Variants in STIM1 observed in about 807,000 individuals in gnomAD.
The protein encoded by STIM1 is stromal interaction molecule 1.
STIM1 carries 25 observed loss-of-function variants against 74.7 expected under a neutral mutation model. The observed-to-expected ratio is 0.33, with a 90% CI of 0.24 to 0.47. The LOEUF is 0.47. Among genes scored for constraint, STIM1 ranks in the 20% least tolerant of loss-of-function variants. The pLI, the probability that STIM1 is intolerant of heterozygous loss-of-function variation, is 1.00. For synonymous variants in STIM1, 328 were observed against 348.8 expected, an observed-to-expected ratio of 0.94 and a Z score of 0.66; for missense variants, 728 against 920.8, an observed-to-expected ratio of 0.79 and a Z score of 2.71.
chr11:4,028,522 C>A (rs999917286), intron 3 of STIM1, among the ~76,000 whole-genome samples: 1 of 151,510 alleles, frequency 6.6e-6, no homozygotes, highest in Non-Finnish European at 1.5e-5. Flanking sequence ...GATTCTCCTG[C>A]GTCAGCCTCC....
At chr11:3,910,465 C>T (rs2092543055) in intron 1 of STIM1, among the ~76,000 whole-genome samples, 1 of 152,090 alleles carries the variant, frequency 6.6e-6, no homozygotes, top group Non-Finnish European at 1.5e-5. Context: ...ATGGTGGCAC[C>T]TGCTTGCAGT....
chr11:4,017,891 T>G (rs1342109338), intron 2 of STIM1, among the ~76,000 whole-genome samples: 1 of 152,238 alleles, frequency 6.6e-6, no homozygotes, highest in Non-Finnish European at 1.5e-5. Flanking sequence ...CCCTTTCCCT[T>G]TTATAGTCTA....
At chr11:3,923,357 C>T (rs2092744378) in intron 1 of STIM1, among the ~76,000 whole-genome samples, 7 of 151,954 alleles carry the variant, frequency 4.6e-5, no homozygotes, top group Admixed American at 4.6e-4. Flanking sequence ...GGCTGTAATC[C>T]CAGCACTATG....
chr11:3,858,280 C>T (rs2090464173), intron 1 of STIM1, among the ~76,000 whole-genome samples: 1 of 142,204 alleles, frequency 7.0e-6, no homozygotes, highest in Admixed American at 7.4e-5. Context: ...AAAAGGCATT[C>T]TAGCCTTCCT....
chr11:4,015,834 C>A (rs545854611), intron 2 of STIM1, among the ~76,000 whole-genome samples: 2 of 152,068 alleles, frequency 1.3e-5, no homozygotes, highest in Non-Finnish European at 2.9e-5. Context: ...TTGATCAAAT[C>A]GGCTATTGAA....
At chr11:3,978,337 G>A (rs908847911) in intron 2 of STIM1, among the ~76,000 whole-genome samples, 1 of 150,988 alleles carries the variant, frequency 6.6e-6, no homozygotes, top group Non-Finnish European at 1.5e-5. Context: ...TAGTAGAGAC[G>A]GGGTTTCTCC....
chr11:3,979,189 TTAA>T (rs997860329), intron 2 of STIM1, among the ~76,000 whole-genome samples: 1 of 152,166 alleles, frequency 6.6e-6, no homozygotes, highest in Non-Finnish European at 1.5e-5. Flanking sequence ...ATTACCATAA[TTAA>T]TAATAATTAT....
At chr11:4,021,321 T>C (rs2959065) in intron 2 of STIM1, among the ~76,000 whole-genome samples, 55,093 of 152,128 alleles carry the variant, frequency 0.36, 12,171 homozygotes, top group Middle Eastern at 0.49. Context: ...AGATGGGGTT[T>C]CGCCATGCTG....
intron 5 of STIM1, among the ~76,000 whole-genome samples, chr11:4,063,070 T>C (rs954374634): frequency 6.6e-6 from 1 of 151,988 alleles, no homozygotes; most frequent in African/African-American, 2.4e-5. Context: ...CACAAATCCA[T>C]AGAGACAGAA....
intron 1 of STIM1, among the ~76,000 whole-genome samples, chr11:3,956,566 A>T (rs1246325241): frequency 1.3e-5 from 2 of 152,116 alleles, no homozygotes; most frequent in African/African-American, 4.8e-5. Context: ...TAATTTCTTT[A>T]AATAGTAACT....
chr11:4,060,008 G>T (rs1565163622), intron 5 of STIM1, among the ~76,000 whole-genome samples: 1 of 152,190 alleles, frequency 6.6e-6, no homozygotes, highest in Non-Finnish European at 1.5e-5. Context: ...GACATGTAGA[G>T]TGCATGAACT....
chr11:3,855,431 G>A (rs2090323083), upstream of STIM1: 1 of 151,106 alleles, frequency 6.6e-6, no homozygotes, highest in African/African-American at 2.4e-5. Flanking sequence ...GGAAAGGGAA[G>A]CTGGGACTTG....
At chr11:4,055,764 G>A (rs2094284349) in intron 4 of STIM1, 127 bp downstream of exon 4, 1 of 661,076 alleles carries the variant, frequency 1.5e-6, no homozygotes, top group Admixed American at 2.8e-5. Flanking sequence ...TATAGATCTT[G>A]CCTCTTCTCA....
intron 6 of STIM1, 43 bp from the exon 7 acceptor site, chr11:4,074,459 C>T: frequency 1.2e-6 from 2 of 1,610,872 alleles, no homozygotes; most frequent in South Asian, 2.2e-5. Flanking sequence ...TGGCTGGCAC[C>T]CCCTTGCCTG....
At chr11:4,084,295 G>A (rs949260847) in intron 10 of STIM1, among the ~76,000 whole-genome samples, 2 of 152,358 alleles carry the variant, frequency 1.3e-5, no homozygotes, top group East Asian at 1.9e-4. Context: ...CCAGTTCAGC[G>A]GGAGGGCAGA....
chr11:3,893,166 A>C (rs561809216), intron 1 of STIM1, among the ~76,000 whole-genome samples: 12 of 152,242 alleles, frequency 7.9e-5, no homozygotes, highest in Non-Finnish European at 1.5e-4. Flanking sequence ...GGTCTTCAGA[A>C]TATTTGGGAT....
At chr11:4,080,106 T>C (rs2094457424) in intron 7 of STIM1, among the ~76,000 whole-genome samples, 1 of 152,074 alleles carries the variant, frequency 6.6e-6, no homozygotes, top group Admixed American at 6.6e-5. Flanking sequence ...TAGCTGGGCA[T>C]GGTGGTGCAC....
At chr11:3,959,560 G>T (rs1300654124) in intron 1 of STIM1, among the ~76,000 whole-genome samples, 1 of 152,134 alleles carries the variant, frequency 6.6e-6, no homozygotes, top group Non-Finnish European at 1.5e-5. Flanking sequence ...TTACCACTTG[G>T]ATGTGGTATG....
intron 3 of STIM1, among the ~76,000 whole-genome samples, chr11:4,053,064 TAA>T (rs2094257023): frequency 6.6e-6 from 1 of 152,174 alleles, no homozygotes; most frequent in South Asian, 2.1e-4. Flanking sequence ...TGGTGATCAT[TAA>T]AAAGTCAGGA....
Sources: gnomAD v4.1 joint callset for allele counts (sites outside exome capture counted in the v4.1 genomes callset) on GRCh38, gnomAD v4.1.1 for gene constraint, MANE v1.5 for transcripts, NCBI Gene and HGNC (gene_info 2026-07-23, HGNC 2026-07-21) for gene names.